The following NBEA variants were observed in gnomAD, a reference collection of about 807,000 sequenced individuals.
The protein encoded by NBEA is neurobeachin, also known as lysosomal-trafficking regulator 2.
Under a neutral mutation model 343.4 loss-of-function variants are expected in NBEA, and 44 were observed. That is an observed-to-expected ratio of 0.13 (90% CI 0.10 to 0.16). The LOEUF (loss-of-function observed/expected upper bound fraction) is 0.16, where lower values mean the gene tolerates loss of function less well. Among genes scored for constraint, NBEA ranks in the 10% least tolerant of loss-of-function variants. NBEA has a pLI of 1.00. For missense variants in NBEA, 2,555 were observed against 3,631.3 expected (o/e 0.70, Z 7.62); for synonymous variants, 1,175 against 1,238.7 (o/e 0.95, Z 1.08).
intron 1 of NBEA, among the ~76,000 whole-genome samples, chr13:35,028,939 T>A (rs1043863421): frequency 6.6e-6 from 1 of 151,754 alleles, no homozygotes; most frequent in African/African-American, 2.4e-5. Context: ...CTGTAGCATG[T>A]ATCAGAACTT....
chr13:35,579,462 G>T (rs1022865173), intron 45 of NBEA, among the ~76,000 whole-genome samples: 1 of 151,880 alleles, frequency 6.6e-6, no homozygotes, highest in Non-Finnish European at 1.5e-5. Context: ...ACAATATGCA[G>T]GTTTAAAAGA....
At position 35,072,542 on chromosome 13, in the gene NBEA, TTTTG is replaced by T. The variant is rs141162226; in HGVS notation, c.1571+1710_1571+1713del. Reference sequence around the variant, plus strand: ...CCTTTTCAGTGATGTCTATTATGTCTTTTGTTTGTTTGTTTGTTTGTTTATTTAT... The same window carrying T: ...CCTTTTCAGTGATGTCTATTATGTCTTTTGTTTGTTTGTTTGTTTATTTAT... On this transcript the variant is annotated intron_variant, in intron 10 of 58. Coordinates refer to ENST00000379939, the MANE Select transcript of NBEA (RefSeq NM_001385012.1). Among the ~76,000 whole-genome samples the T allele has an allele frequency of 7.4e-3, 1,125 of 152,062 alleles. 15 individuals carry two copies. The highest frequency in any genetic ancestry group is 0.025 in the African/African-American group (1,035 of 41,492).
chr13:35,535,486 C>T (rs1309246383), intron 41 of NBEA, among the ~76,000 whole-genome samples: 4 of 152,090 alleles, frequency 2.6e-5, no homozygotes, highest in Non-Finnish European at 5.9e-5. Flanking sequence ...TGAAAAGGAT[C>T]TGGGCTGGGG....
intron 45 of NBEA, among the ~76,000 whole-genome samples, chr13:35,570,127 A>G (rs1258278921): frequency 2.6e-5 from 4 of 152,234 alleles, no homozygotes; most frequent in African/African-American, 7.2e-5. Context: ...TCCTCCTCCC[A>G]GGTTCAAGCG....
chr13:35,476,616 A>G lies in NBEA; in HGVS notation c.6585+4080A>G. 2 of 507,420 alleles carry G rather than the reference A, an allele frequency of 3.9e-6. 1 individual carries two copies. Among genetic ancestry groups the G allele is most frequent in the South Asian group, 4.7e-5 (2 of 42,592 alleles). The allele number at this position is 507,420 out of a possible 1,614,324, so 31.4% of individuals were successfully genotyped here. A position where few individuals can be genotyped will look rare whatever the true frequency, so the allele number is the denominator to read the frequency against. ...TGCAGCACTGTTAATCAAATGGAGG[A>G]AAAGTGTGCTGAGTGTGTGTCCGGG... On this transcript the variant is annotated intron_variant, in intron 41 of 58. Transcript: ENST00000379939.
At chr13:35,034,800 T>G (rs746428975) in intron 1 of NBEA, among the ~76,000 whole-genome samples, 6 of 151,966 alleles carry the variant, frequency 3.9e-5, no homozygotes, top group Admixed American at 6.6e-5. Context: ...TCTTCTAGAT[T>G]TTCCAAATAA....
At chr13:35,207,930 G>T (rs2073502249) in intron 31 of NBEA, among the ~76,000 whole-genome samples, 1 of 152,066 alleles carries the variant, frequency 6.6e-6, no homozygotes, top group South Asian at 2.1e-4. Context: ...TTAGAATTTG[G>T]CATTTAAAGT....
At chr13:35,488,296 T>A (rs923752064) in intron 41 of NBEA, among the ~76,000 whole-genome samples, 16 of 151,936 alleles carry the variant, frequency 1.1e-4, no homozygotes, top group African/African-American at 3.4e-4. Flanking sequence ...ATCCACTTAA[T>A]AAGACCTCAG....
At chr13:35,328,342 CAT>C (rs540274034) in intron 36 of NBEA, among the ~76,000 whole-genome samples, 81 of 151,814 alleles carry the variant, frequency 5.3e-4, no homozygotes, top group African/African-American at 1.9e-3. Flanking sequence ...AAACCTACAA[CAT>C]ATTTCTGCCA....
chr13:35,334,288 G>A (rs530080195), intron 36 of NBEA, among the ~76,000 whole-genome samples: 1 of 152,094 alleles, frequency 6.6e-6, no homozygotes, highest in Admixed American at 6.5e-5. Context: ...TGTTTGTTTT[G>A]GGACAGAGTC....
Position 35,516,100 on chromosome 13 carries a change from G to T in NBEA, c.6586-34377G>T, listed in dbSNP as rs1223028003. Reference sequence around the variant, plus strand: ...TTAAATTATATATATGTTTCTGTGTGCTGGACTAGTAGAAAAATAAAATGA... The same window carrying T: ...TTAAATTATATATATGTTTCTGTGTTCTGGACTAGTAGAAAAATAAAATGA... On this transcript the variant is annotated intron_variant, in intron 41 of 58. Transcript: ENST00000379939. 5.3e-5 allele frequency among the ~76,000 whole-genome samples: 8 copies of T among 152,252 alleles called. No homozygotes were observed. The South Asian group carries it at 8.3e-4, about 16-fold the overall frequency.
rs368069444 is a variant in NBEA at position 35,628,169 on chromosome 13, G to A, written c.7538G>A (p.Arg2513His). The change falls in exon 49 of 59, where the codon CGT becomes CAT. Residue 2513 changes from arginine to histidine, a missense_variant. Around this residue, in one of 21 missense-constraint regions of NBEA, gnomAD observed 87 missense variants for 75.0 expected, o/e 1.16. Transcript: ENST00000379939. ...GYKQRGPEAV[R>H]ALNVFHYLTY... ...AAGCAGCGAGGACCAGAAGCAGTTC[G>A]TGCTCTGAATGTTTTTCACTACTTG... The A allele has an allele frequency of 2.3e-5, 37 of 1,613,192 alleles. No homozygotes were observed. The highest frequency in any genetic ancestry group is 8.0e-5 in the African/African-American group (6 of 75,020).
At chr13:35,521,283 C>G (rs1040401572) in intron 41 of NBEA, among the ~76,000 whole-genome samples, 9 of 151,926 alleles carry the variant, frequency 5.9e-5, no homozygotes, top group Admixed American at 1.3e-4. Context: ...AGTCAAAAAC[C>G]CTGCAGGAAA....
At chr13:35,342,434 T>G (rs1194259500) in intron 36 of NBEA, among the ~76,000 whole-genome samples, 1 of 152,032 alleles carries the variant, frequency 6.6e-6, no homozygotes, top group African/African-American at 2.4e-5. Context: ...TTTAGATGGT[T>G]TATCCCCAAG....
At chr13:35,009,162 A>C (rs2061406114) in intron 1 of NBEA, among the ~76,000 whole-genome samples, 1 of 152,222 alleles carries the variant, frequency 6.6e-6, no homozygotes, top group African/African-American at 2.4e-5. Context: ...ATTTATTGAA[A>C]CATTATTTAT....
intron 41 of NBEA, among the ~76,000 whole-genome samples, chr13:35,498,362 T>C (rs2076762306): frequency 6.6e-6 from 1 of 152,080 alleles, no homozygotes; most frequent in Non-Finnish European, 1.5e-5. Context: ...TGGGTTCCTT[T>C]GTAGTACCTA....
chr13:35,107,193 A>G (rs1008770995), intron 11 of NBEA, among the ~76,000 whole-genome samples: 12 of 151,934 alleles, frequency 7.9e-5, no homozygotes, highest in African/African-American at 2.7e-4. Flanking sequence ...AATATTTTTT[A>G]AAGTACTATA....
chr13:35,508,476 G>C (rs920716832), intron 41 of NBEA, among the ~76,000 whole-genome samples: 12 of 152,182 alleles, frequency 7.9e-5, no homozygotes, highest in Non-Finnish European at 1.8e-4. Context: ...ACAATGCTGA[G>C]TTTTAATGGC....
At chr13:35,268,720 A>C (rs957164779) in intron 34 of NBEA, among the ~76,000 whole-genome samples, 1 of 152,030 alleles carries the variant, frequency 6.6e-6, no homozygotes, top group Non-Finnish European at 1.5e-5. Context: ...TTTTTAGTAA[A>C]TATATTTTTA....
Sources: allele counts gnomAD v4.1 joint callset (sites outside exome capture counted in the v4.1 genomes callset), GRCh38; gene constraint gnomAD v4.1.1; regional missense constraint gnomAD v4.1.1; transcripts MANE v1.5; gene names NCBI Gene and HGNC (gene_info 2026-07-23, HGNC 2026-07-21).